Variants in WDR93 observed in about 807,000 individuals in gnomAD.
The protein encoded by WDR93 is WD repeat-containing protein 93.
A neutral mutation model predicts 82.9 loss-of-function variants in WDR93; 73 were observed. The ratio of observed to expected loss-of-function variants is 0.88; its 90% CI spans 0.73 to 1.07. The LOEUF (loss-of-function observed/expected upper bound fraction) is 1.07. Ranked by LOEUF, WDR93 falls within the 50% of genes least tolerant of loss-of-function variation. The pLI, the probability that WDR93 is intolerant of heterozygous loss-of-function variation, is 0.00. For synonymous variants in WDR93, 283 were observed against 300.1 expected (o/e 0.94, Z 0.59); for missense variants, 738 against 826.0 (o/e 0.89, Z 1.31).
At chr15:89,706,317 G>T (rs1965724891) in intron 4 of WDR93, among the ~76,000 whole-genome samples, 4 of 146,630 alleles carry the variant, frequency 2.7e-5, no homozygotes, top group Non-Finnish European at 1.5e-5. Flanking sequence ...TCAGAGTAAG[G>T]TTTTTTTTTT....
At chr15:89,690,560 G>C, upstream of WDR93, 6 of 1,546,890 alleles carry the variant, frequency 3.9e-6, no homozygotes, top group Non-Finnish European at 4.4e-6. Context: ...GGCGGAGGCC[G>C]CTGGCACCTG....
At chr15:89,729,879 A>G in intron 11 of WDR93, 110 bp downstream of exon 11, 1 of 915,238 alleles carries the variant, frequency 1.1e-6, no homozygotes, top group Non-Finnish European at 1.7e-6. Flanking sequence ...CACTTTAGGG[A>G]CCAGATCTAG....
chr15:89,710,498 G>C (rs1441383085), intron 4 of WDR93, among the ~76,000 whole-genome samples: 2 of 152,048 alleles, frequency 1.3e-5, no homozygotes, highest in Non-Finnish European at 2.9e-5. Context: ...ACCTTGACAG[G>C]GTGTTAGTTA....
At chr15:89,710,433 G>A (rs1965924271) in intron 4 of WDR93, among the ~76,000 whole-genome samples, 1 of 152,174 alleles carries the variant, frequency 6.6e-6, no homozygotes, top group Non-Finnish European at 1.5e-5. Flanking sequence ...ATATGGAAGT[G>A]TAGTTGGCTC....
In WDR93 at chr15:89,743,367, C is replaced by G. The variant is rs749542910; in HGVS notation, c.2037C>G (p.Leu679=). ...WARLQRYSLS[L]QRENFKK ...GGCTTCAGAGGTACTCCTTGTCGCT[C>G]CAGAGAGAGAACTTCAAGAAGTGAG... Residue 679 remains leucine (L), a synonymous_variant, in exon 17 of 17, where the codon CTC becomes CTG. Coordinates refer to ENST00000268130, the MANE Select transcript of WDR93 (RefSeq NM_020212.2). 2 of 1,614,132 alleles carry G rather than the reference C, an allele frequency of 1.2e-6. No individual in the cohort carries two copies. Among genetic ancestry groups the G allele is most frequent in the African/African-American group, 1.3e-5 (1 of 75,036 alleles).
intron 1 of WDR93, among the ~76,000 whole-genome samples, chr15:89,696,226 G>T (rs1487714075): frequency 6.6e-6 from 1 of 152,122 alleles, no homozygotes; most frequent in Non-Finnish European, 1.5e-5. Flanking sequence ...AAATGGAATT[G>T]GACTGCATAT....
chr15:89,727,357 G>T, intron 9 of WDR93, 29 bp downstream of exon 9: 1 of 1,609,746 alleles, frequency 6.2e-7, no homozygotes, highest in Middle Eastern at 1.9e-4. Context: ...GGAAAGCCAG[G>T]GAGCATCCCC....
chr15:89,696,240 T>G (rs1965168690), intron 1 of WDR93, among the ~76,000 whole-genome samples: 1 of 152,204 alleles, frequency 6.6e-6, no homozygotes. Flanking sequence ...TGCATATAAA[T>G]TTTGAGACTG....
intron 1 of WDR93, among the ~76,000 whole-genome samples, chr15:89,696,006 G>C (rs1316397496): frequency 6.6e-6 from 1 of 151,778 alleles, no homozygotes; most frequent in Non-Finnish European, 1.5e-5. Context: ...TAGTAGAGGT[G>C]GGGTTTTGCC....
intron 8 of WDR93, among the ~76,000 whole-genome samples, chr15:89,722,878 G>A (rs1002760932): frequency 1.8e-4 from 27 of 152,086 alleles, no homozygotes; most frequent in African/African-American, 4.8e-5. Context: ...AAATGTTTAC[G>A]GTAGCATTAT....
At chr15:89,697,812 G>T (rs1965255493) in intron 1 of WDR93, among the ~76,000 whole-genome samples, 2 of 151,256 alleles carry the variant, frequency 1.3e-5, no homozygotes, top group African/African-American at 4.9e-5. Flanking sequence ...GTATTTTGAA[G>T]CTCTGTTATT....
intron 1 of WDR93, among the ~76,000 whole-genome samples, chr15:89,698,926 C>G (rs1965317849): frequency 6.6e-6 from 1 of 152,026 alleles, no homozygotes; most frequent in Admixed American, 6.6e-5. Flanking sequence ...GGATATCTGT[C>G]ACCCAGGCTG....
chr15:89,726,363 C>T (rs555917630), intron 8 of WDR93, among the ~76,000 whole-genome samples: 82 of 152,306 alleles, frequency 5.4e-4, no homozygotes, highest in Middle Eastern at 6.8e-3. Context: ...CCAGGTGACT[C>T]TGCCACTGCT....
intron 2 of WDR93, among the ~76,000 whole-genome samples, chr15:89,702,735 C>T (rs1965530647): frequency 6.6e-6 from 1 of 152,062 alleles, no homozygotes; most frequent in South Asian, 2.1e-4. Flanking sequence ...GATGGGGTTT[C>T]ACCATGTTGG....
intron 4 of WDR93, among the ~76,000 whole-genome samples, chr15:89,707,424 G>A (rs1408517029): frequency 1.3e-5 from 2 of 151,858 alleles, no homozygotes; most frequent in Non-Finnish European, 2.9e-5. Context: ...GGTGGCAGGC[G>A]CCTATATCCC....
chr15:89,700,193 C>G (rs1965386009), intron 1 of WDR93, among the ~76,000 whole-genome samples: 1 of 152,182 alleles, frequency 6.6e-6, no homozygotes, highest in Non-Finnish European at 1.5e-5. Context: ...TCAGACTACT[C>G]TACATAATCC....
intron 11 of WDR93, among the ~76,000 whole-genome samples, chr15:89,730,807 G>A (rs115880576): frequency 6.4e-4 from 97 of 151,718 alleles, no homozygotes; most frequent in Non-Finnish European, 1.3e-3. Context: ...GATCACTTGA[G>A]CCCAGGAGTT....
At position 89,731,561 on chromosome 15, in the gene WDR93, AG is replaced by A; in HGVS notation, c.1330+1del. ...GVLTLWDLAK[G>X]FPLGVAALPQ... ...TGCTCACGCTGTGGGACCTGGCCAAAGGTAAGTCCTCCCTGCCTCTCTACCT... is the reference window on the plus strand; with the variant it reads ...TGCTCACGCTGTGGGACCTGGCCAAAGTAAGTCCTCCCTGCCTCTCTACCT... On this transcript the variant is annotated frameshift_variant and splice_region_variant, in exon 12 of 17. Coordinates refer to ENST00000268130, the MANE Select transcript of WDR93 (RefSeq NM_020212.2). LOFTEE classifies it high-confidence loss of function. 6.2e-7 allele frequency: 1 copy of A among 1,614,054 alleles called. No individual in the cohort carries two copies. Among genetic ancestry groups the A allele is most frequent in the Non-Finnish European group, 8.5e-7 (1 of 1,179,996 alleles).
At chr15:89,734,738 A>T (rs1967019238) in intron 13 of WDR93, among the ~76,000 whole-genome samples, 1 of 152,160 alleles carries the variant, frequency 6.6e-6, no homozygotes, top group Non-Finnish European at 1.5e-5. Flanking sequence ...TAATCCAAGC[A>T]CTTTGGGAGG....
Sources: gnomAD v4.1 joint callset for allele counts (sites outside exome capture counted in the v4.1 genomes callset) on GRCh38, gnomAD v4.1.1 for gene constraint, MANE v1.5 for transcripts, NCBI Gene and HGNC (gene_info 2026-07-23, HGNC 2026-07-21) for gene names.